Variants in ZNF431 observed in about 807,000 individuals in gnomAD.
ZNF431 encodes zinc finger protein 431.
Under a neutral mutation model 57.0 loss-of-function variants are expected in ZNF431, and 34 were observed. The observed-to-expected ratio is 0.60, with a 90% CI of 0.45 to 0.79. The LOEUF is 0.79. ZNF431 is among the 30% of genes least tolerant of loss of function. The pLI, the probability that ZNF431 is intolerant of heterozygous loss-of-function variation, is 0.00. For missense variants in ZNF431, 607 were observed against 667.1 expected (o/e 0.91, Z 0.99); for synonymous variants, 207 against 220.3 (o/e 0.94, Z 0.54).
chr19:21,172,520 A>G (rs1779110394), intron 4 of ZNF431, among the ~76,000 whole-genome samples: 2 of 152,134 alleles, frequency 1.3e-5, no homozygotes, highest in Admixed American at 6.6e-5. Flanking sequence ...TTTCAGGGCC[A>G]GACATGGTGG....
At chr19:21,174,968 G>A (rs1360694142) in intron 4 of ZNF431, among the ~76,000 whole-genome samples, 2 of 152,142 alleles carry the variant, frequency 1.3e-5, no homozygotes, top group South Asian at 2.1e-4. Context: ...CACCATGTTG[G>A]TCAGGCTGGT....
Position 21,191,811 on chromosome 19 carries a change from C to T in ZNF431, c.*7777C>T, listed in dbSNP as rs1015024203. 2.0e-5 allele frequency: 3 copies of T among 152,102 alleles called. No individual in the cohort carries two copies. The highest frequency in any genetic ancestry group is 7.2e-5 in the African/African-American group (3 of 41,432). The allele number at this position is 152,102 out of a possible 1,614,324, so 9.4% of individuals were successfully genotyped here. A position where few individuals can be genotyped will look rare whatever the true frequency, so the allele number is the denominator to read the frequency against. ...ATGTAGTGTATTTCAAAGTTAGTCA[C>T]TTCTTTTGTCTTGATTGCTTTGGCT... On this transcript the variant is annotated 3_prime_UTR_variant, in exon 5 of 5. Coordinates refer to ENST00000311048, the MANE Select transcript of ZNF431 (RefSeq NM_133473.4).
rs1189847539 is a variant in ZNF431 at position 21,166,454 on chromosome 19, CT to C, written c.218del (p.Phe73SerfsTer24). ...VMLENYKNLV[F>X]LGVAVSKQDP... ...TGTTAGAAAACTACAAAAACCTGGT[CT>C]TCTTGGGTGAGAATAACTTTCATAC... On this transcript the variant is annotated frameshift_variant, in exon 3 of 5. Coordinates refer to ENST00000311048, the MANE Select transcript of ZNF431 (RefSeq NM_133473.4). LOFTEE classifies it high-confidence loss of function. 6.2e-7 allele frequency: 1 copy of C among 1,606,594 alleles called. No individual in the cohort carries two copies. The highest frequency in any genetic ancestry group is 8.5e-7 in the Non-Finnish European group (1 of 1,178,082).
chr19:21,144,169 A>C (rs1970018604), intron 2 of ZNF431, among the ~76,000 whole-genome samples: 1 of 152,096 alleles, frequency 6.6e-6, no homozygotes, highest in East Asian at 1.9e-4. Context: ...TTTTAGCTGT[A>C]AATTGCATTA....
chr19:21,183,397 T>C lies in ZNF431; in HGVS notation c.1094T>C (p.Ile365Thr). ...TCATACCTTACTAAACATAAGATAA[T>C]TCATACTGGAGAAAAATCTTACAAA... is the stretch of plus-strand genomic sequence containing the variant. ...RFSYLTKHKI[I>T]HTGEKSYKCE... is the part of the protein sequence containing the mutation. Residue 365 changes from isoleucine (I) to threonine (T), a missense_variant, in exon 5 of 5, where the codon ATT (isoleucine) becomes ACT (threonine). Ile to Thr is a moderately conservative substitution (Grantham distance 89). Transcript: ENST00000311048. 1 of 1,613,544 alleles carries C rather than the reference T, an allele frequency of 6.2e-7. No individual in the cohort carries two copies. Among genetic ancestry groups the C allele is most frequent in the Non-Finnish European group, 8.5e-7 (1 of 1,179,730 alleles).
chr19:21,150,644 G>A (rs796455371), intron 2 of ZNF431, among the ~76,000 whole-genome samples: 40 of 152,218 alleles, frequency 2.6e-4, no homozygotes, highest in African/African-American at 8.2e-4. Flanking sequence ...TAATCCCAAG[G>A]GAAGTCTTAT....
intron 2 of ZNF431, among the ~76,000 whole-genome samples, chr19:21,146,529 A>G (rs1434801816): frequency 1.3e-5 from 2 of 152,158 alleles, no homozygotes; most frequent in Admixed American, 1.3e-4. Flanking sequence ...TCTTGATTAT[A>G]TGCTAAACAA....
intron 4 of ZNF431, 135 bp downstream of exon 4, chr19:21,167,801 T>A: frequency 2.2e-6 from 1 of 444,806 alleles, no homozygotes; most frequent in Non-Finnish European, 3.8e-6. Flanking sequence ...GCCTGAATAT[T>A]TTCTTAAAAT....
rs10402498 is a variant in ZNF431, at chr19:21,146,450, A to G, written c.96+2807A>G. On this transcript the variant is annotated intron_variant, in intron 2 of 4. Coordinates refer to ENST00000311048, the MANE Select transcript of ZNF431 (RefSeq NM_133473.4). ...AAAGAAGAAGAAAGAAAGTAAAGGAATAAAAGAATGGCTTACTCCATAGGC... is the reference window on the plus strand; with the variant it reads ...AAAGAAGAAGAAAGAAAGTAAAGGAGTAAAAGAATGGCTTACTCCATAGGC... Among the ~76,000 whole-genome samples, 888 of 151,894 alleles carry G rather than the reference A, an allele frequency of 5.8e-3. 9 individuals carry two copies. The highest frequency in any genetic ancestry group is 0.02 in the African/African-American group (843 of 41,434).
In ZNF431 at chr19:21,184,589, T is replaced by A. The variant is rs1971315996; in HGVS notation, c.*555T>A. 6.5e-6 allele frequency: 1 copy of A among 153,406 alleles called. No individual in the cohort carries two copies. The highest frequency in any genetic ancestry group is 1.5e-5 in the Non-Finnish European group (1 of 68,186). The allele number at this position is 153,406 out of a possible 1,614,324, so 9.5% of individuals were successfully genotyped here. ...AAAGCCTTTAAATGGTTGTCACACT[T>A]CATTGTAGGTAAGATAATTCATACT... On this transcript the variant is annotated 3_prime_UTR_variant, in exon 5 of 5. Coordinates refer to ENST00000311048, the MANE Select transcript of ZNF431 (RefSeq NM_133473.4).
At position 21,142,077 on chromosome 19, in the gene ZNF431, G is replaced by A. The variant is rs1012510396; in HGVS notation, c.-107G>A. The A allele has an allele frequency of 8.4e-5, 124 of 1,476,596 alleles. No individual in the cohort carries two copies. The highest frequency in any genetic ancestry group is 1.1e-4 in the Non-Finnish European group (119 of 1,062,830). 91.5% of individuals were successfully genotyped at this position (1,476,596 alleles called of 1,614,324 possible). A position where few individuals can be genotyped will look rare whatever the true frequency, so the allele number is the denominator to read the frequency against. ...AGCCTGAGCTCCAGGTCTCCCCTTC[G>A]CTGCTCTGTGTCCTCTGCTCCTAGA... On this transcript the variant is annotated 5_prime_UTR_variant, in exon 1 of 5. Transcript: ENST00000311048.
chr19:21,151,425 C>T (rs950256295), intron 2 of ZNF431, among the ~76,000 whole-genome samples: 1 of 152,172 alleles, frequency 6.6e-6, no homozygotes, highest in Non-Finnish European at 1.5e-5. Flanking sequence ...CAGCCAATAT[C>T]TCTGGCTTTT....
intron 2 of ZNF431, among the ~76,000 whole-genome samples, chr19:21,159,284 T>G (rs1404052529): frequency 6.6e-6 from 1 of 152,146 alleles, no homozygotes; most frequent in Non-Finnish European, 1.5e-5. Context: ...CTATTTTTTG[T>G]TTTATCTCTG....
chr19:21,182,813 T>A lies in ZNF431; in HGVS notation c.510T>A (p.Thr170=). ...ATGAGCTAAACCAGTGTTTGACAAC[T>A]ACCCAGAGCAAAATATTTCCATGTG... The part of the protein sequence containing the change: ...GYNELNQCLT[T]TQSKIFPCDK... The change falls in exon 5 of 5, where the codon ACT becomes ACA. Residue 170 remains threonine (T), a synonymous_variant. Coordinates refer to ENST00000311048, the MANE Select transcript of ZNF431 (RefSeq NM_133473.4). The A allele has an allele frequency of 6.2e-7, 1 of 1,614,020 alleles. No homozygotes were observed. The highest frequency in any genetic ancestry group is 1.7e-4 in the Middle Eastern group (1 of 6,060).
intron 4 of ZNF431, among the ~76,000 whole-genome samples, chr19:21,171,712 ATTTT>A (rs550012306): frequency 0.59 from 53,530 of 91,000 alleles, 15,963 homozygotes; most frequent in Middle Eastern, 0.84. Context: ...ATATATATAT[ATTTT>A]TTTTTTTTTT....
In ZNF431 at chr19:21,182,929, G is replaced by T; in HGVS notation, c.626G>T (p.Cys209Phe). 1 of 1,614,062 alleles carries T rather than the reference G, an allele frequency of 6.2e-7. No individual in the cohort carries two copies. The highest frequency in any genetic ancestry group is 8.5e-7 in the Non-Finnish European group (1 of 1,179,958). Reference protein sequence around the residue: ...TGKKPFKCKKCGKSFCMLLHL... With the variant: ...TGKKPFKCKKFGKSFCMLLHL... ...AAGAAACCTTTCAAATGTAAAAAATGTGGCAAATCATTTTGCATGCTTTTA... is the reference window on the plus strand; with the variant it reads ...AAGAAACCTTTCAAATGTAAAAAATTTGGCAAATCATTTTGCATGCTTTTA... Residue 209 changes from cysteine to phenylalanine, a missense_variant, in exon 5 of 5, where the codon TGT becomes TTT. Transcript: ENST00000311048.
At chr19:21,153,746 C>T (rs1346172194) in intron 2 of ZNF431, among the ~76,000 whole-genome samples, 3 of 151,920 alleles carry the variant, frequency 2.0e-5, no homozygotes, top group Non-Finnish European at 2.9e-5. Flanking sequence ...GACAAAGTTT[C>T]GCTCTTGTTG....
intron 3 of ZNF431, 84 bp downstream of exon 3, chr19:21,166,545 T>TACAAA: frequency 6.8e-7 from 1 of 1,469,972 alleles, no homozygotes; most frequent in Non-Finnish European, 9.2e-7. Flanking sequence ...TGATAATTTA[T>TACAAA]GCTTTGTATA....
intron 4 of ZNF431, among the ~76,000 whole-genome samples, chr19:21,168,445 C>T (rs983379839): frequency 7.2e-5 from 11 of 152,014 alleles, no homozygotes; most frequent in African/African-American, 2.7e-4. Context: ...TGGCTCACTG[C>T]AACCTCCACC....
Sources: gnomAD v4.1 joint callset for allele counts (sites outside exome capture counted in the v4.1 genomes callset) on GRCh38, gnomAD v4.1.1 for gene constraint, MANE v1.5 for transcripts, NCBI Gene and HGNC (gene_info 2026-07-23, HGNC 2026-07-21) for gene names.